The following TMPRSS15 variants were observed in gnomAD, a reference collection of about 807,000 sequenced individuals.
TMPRSS15 encodes the protein transmembrane serine protease 15.
Under a neutral mutation model 125.3 loss-of-function variants are expected in TMPRSS15, and 128 were observed. The observed-to-expected ratio is 1.02, with a 90% CI of 0.89 to 1.18. TMPRSS15 has a LOEUF of 1.18. TMPRSS15 is among the 50% of genes most tolerant of loss of function. The pLI is 0.00. For missense variants in TMPRSS15, 1,283 were observed against 1,212.7 expected, an observed-to-expected ratio of 1.06 and a Z score of -0.86; for synonymous variants, 446 against 423.2, an observed-to-expected ratio of 1.05 and a Z score of -0.66.
chr21:18,410,978 A>G (rs1220527264), intron 1 of TMPRSS15, among the ~76,000 whole-genome samples: 2 of 152,160 alleles, frequency 1.3e-5, no homozygotes, highest in Non-Finnish European at 1.5e-5. Flanking sequence ...TTTTATCTAC[A>G]CTATTAAAAA....
chr21:18,328,609 G>A lies in TMPRSS15; in HGVS notation c.1780+560C>T, dbSNP rs1431481065. ...TCATGGAGATAGAGAGTAGAATGAT[G>A]GTTACAAGTGGCTGGAAAGGCTACT... On this transcript the variant is annotated intron_variant, in intron 15 of 24. Transcript: ENST00000284885. 2.6e-5 allele frequency among the ~76,000 whole-genome samples: 4 copies of A among 151,958 alleles called. No homozygotes were observed. The East Asian group carries it at 5.8e-4, about 22-fold the overall frequency.
In TMPRSS15 at chr21:18,466,413, G is replaced by C. The variant is rs527634807; in HGVS notation, c.10+19386C>G. 1.7e-4 allele frequency among the ~76,000 whole-genome samples: 26 copies of C among 151,998 alleles called. No individual in the cohort carries two copies. In the South Asian group the frequency reaches 5.2e-3, roughly 30 times the overall value. ...AAACAAAAGCCAAAATGGACAAATGGGATCTAATTAAACTAAACAGCTTCT... is the reference window on the plus strand; with the variant it reads ...AAACAAAAGCCAAAATGGACAAATGCGATCTAATTAAACTAAACAGCTTCT... On this transcript the variant is annotated intron_variant, in intron 1 of 7. Coordinates refer to the TMPRSS15 transcript ENST00000422787.
chr21:18,378,234 C>T (rs2075861796), intron 5 of TMPRSS15, among the ~76,000 whole-genome samples: 1 of 151,984 alleles, frequency 6.6e-6, no homozygotes, highest in Non-Finnish European at 1.5e-5. Flanking sequence ...AGCATTTGTT[C>T]AAAAGTGTGT....
intron 1 of TMPRSS15, among the ~76,000 whole-genome samples, chr21:18,411,055 CA>C (rs2076164810): frequency 1.3e-5 from 2 of 152,038 alleles, no homozygotes; most frequent in African/African-American, 2.4e-5. Context: ...TGAAAATTCA[CA>C]AACTAAAAAT....
At chr21:18,352,549 G>T (rs972659947) in intron 10 of TMPRSS15, among the ~76,000 whole-genome samples, 15 of 152,036 alleles carry the variant, frequency 9.9e-5, no homozygotes, top group Middle Eastern at 6.8e-3. Flanking sequence ...ATCAGAAAAC[G>T]AAATTAAGAC....
intron 13 of TMPRSS15, among the ~76,000 whole-genome samples, chr21:18,340,723 TTACTCCTTAAGAAGCCCACAAAAA>T (rs1490020996): frequency 1.4e-5 from 2 of 147,430 alleles, no homozygotes; most frequent in Admixed American, 1.3e-4. Context: ...ACTCTTAAAA[TTACTCCTTAAGAAGCCCACAAAAA>T]CCTCAAGGCA....
At chr21:18,324,940 A>G (rs1473431163) in intron 16 of TMPRSS15, among the ~76,000 whole-genome samples, 1 of 152,228 alleles carries the variant, frequency 6.6e-6, no homozygotes, top group Non-Finnish European at 1.5e-5. Context: ...AAACATGGTT[A>G]TAGTATAATC....
At chr21:18,294,130 A>C in intron 21 of TMPRSS15, 140 bp downstream of exon 21, 1 of 1,008,390 alleles carries the variant, frequency 9.9e-7, no homozygotes, top group East Asian at 2.6e-5. Context: ...TTAATGGGAA[A>C]ATAATTGGAA....
intron 1 of TMPRSS15, among the ~76,000 whole-genome samples, chr21:18,449,105 G>A (rs1305913083): frequency 1.3e-5 from 2 of 152,038 alleles, no homozygotes; most frequent in East Asian, 1.9e-4. Context: ...AAAAGCTGTT[G>A]CTCATTTTGT....
Position 18,353,852 on chromosome 21 carries a change from C to T in TMPRSS15, c.892G>A (p.Glu298Lys). 6.2e-7 allele frequency: 1 copy of T among 1,610,894 alleles called. No individual in the cohort carries two copies. Among genetic ancestry groups the T allele is most frequent in the East Asian group, 2.2e-5 (1 of 44,648 alleles). Residue 298 changes from glutamate (E) to lysine (K), a missense_variant, in exon 9 of 25, where the codon GAA (glutamate) becomes AAA (lysine). Physicochemically the swap from Glu to Lys is moderately conservative, Grantham distance 56 (BLOSUM62 1). Coordinates refer to ENST00000284885, the MANE Select transcript of TMPRSS15 (RefSeq NM_002772.3). Reference sequence around the variant, plus strand: ...ATTCTTATTGTGCCAGGATTAGTTTCCCAAATAGAAGCTACAAAATAAAAT... The same window carrying T: ...ATTCTTATTGTGCCAGGATTAGTTTTCCAAATAGAAGCTACAAAATAAAAT... ...SSKILRASIW[E>K]TNPGTIRIFS...
At chr21:18,277,269 A>C (rs2074633687) in intron 23 of TMPRSS15, among the ~76,000 whole-genome samples, 1 of 152,114 alleles carries the variant, frequency 6.6e-6, no homozygotes, top group African/African-American at 2.4e-5. Flanking sequence ...ATATATCTTT[A>C]GTAACAATAA....
chr21:18,326,713 A>G, intron 15 of TMPRSS15, 141 bp from the exon 16 acceptor site: 1 of 859,842 alleles, frequency 1.2e-6, no homozygotes, highest in Non-Finnish European at 1.9e-6. Flanking sequence ...AAGTAAATGA[A>G]CACACACATT....
At chr21:18,359,950 G>A (rs1214866861) in intron 7 of TMPRSS15, 87 bp from the exon 8 acceptor site, 4 of 690,946 alleles carry the variant, frequency 5.8e-6, no homozygotes, top group African/African-American at 5.4e-5. Context: ...GTGTTTTCTT[G>A]TGGTGAACAC....
At chr21:18,434,538 C>T (rs1309263012) in intron 1 of TMPRSS15, among the ~76,000 whole-genome samples, 1 of 151,968 alleles carries the variant, frequency 6.6e-6, no homozygotes, top group Non-Finnish European at 1.5e-5. Context: ...TTAAAAATAT[C>T]TATGTAAACA....
At chr21:18,481,980 G>C (rs1338379468) in intron 1 of TMPRSS15, among the ~76,000 whole-genome samples, 1 of 151,562 alleles carries the variant, frequency 6.6e-6, no homozygotes, top group Non-Finnish European at 1.5e-5. Flanking sequence ...AGATATGACT[G>C]AATAGTAATA....
intron 13 of TMPRSS15, among the ~76,000 whole-genome samples, chr21:18,336,284 G>A (rs2075391819): frequency 1.3e-5 from 2 of 152,144 alleles, no homozygotes; most frequent in South Asian, 4.1e-4. Context: ...GATACTTTAT[G>A]TGATAGAATT....
rs1005663272 is a variant in TMPRSS15, at chr21:18,331,129, C to A, written c.1654+955G>T. Among the ~76,000 whole-genome samples, 4 of 151,654 alleles carry A rather than the reference C, an allele frequency of 2.6e-5. No individual in the cohort carries two copies. In the South Asian group the frequency reaches 8.4e-4, roughly 32 times the overall value. On this transcript the variant is annotated intron_variant, in intron 14 of 24. Coordinates refer to ENST00000284885, the MANE Select transcript of TMPRSS15 (RefSeq NM_002772.3). ...GTGAAGCAGAGATAACTCTGTTTCC[C>A]CAAAGAAGTCAAATTAGATTAGTTG...
chr21:18,294,703 A>C, intron 19 of TMPRSS15, 51 bp from the exon 20 acceptor site: 1 of 1,483,324 alleles, frequency 6.7e-7, no homozygotes, highest in Non-Finnish European at 9.4e-7. Flanking sequence ...TAATATTTTC[A>C]AGTCAAACAT....
At chr21:18,373,299 C>A (rs2075811322) in intron 5 of TMPRSS15, among the ~76,000 whole-genome samples, 1 of 152,012 alleles carries the variant, frequency 6.6e-6, no homozygotes, top group Non-Finnish European at 1.5e-5. Flanking sequence ...CTACATACAA[C>A]TAAATTAGAC....
Sources: allele counts gnomAD v4.1 joint callset (sites outside exome capture counted in the v4.1 genomes callset), GRCh38; gene constraint gnomAD v4.1.1; transcripts MANE v1.5; gene names NCBI Gene and HGNC (gene_info 2026-07-23, HGNC 2026-07-21).